The following CDYL variants were observed in gnomAD, a reference collection of about 807,000 sequenced individuals.
The protein encoded by CDYL is chromodomain Y like.
CDYL carries 8 observed loss-of-function variants against 47.3 expected under a neutral mutation model. The observed-to-expected ratio is 0.17, with a 90% CI of 0.10 to 0.31. The LOEUF (loss-of-function observed/expected upper bound fraction) is 0.31. CDYL is among the 10% of genes least tolerant of loss of function. CDYL has a pLI of 1.00. For missense variants in CDYL, 471 were observed against 701.4 expected (o/e 0.67, Z 3.71); for synonymous variants, 266 against 265.0 (o/e 1.00, Z -0.04).
At chr6:4,749,890 A>G (rs1171776117) in intron 3 of CDYL, among the ~76,000 whole-genome samples, 3 of 152,150 alleles carry the variant, frequency 2.0e-5, no homozygotes, top group Non-Finnish European at 4.4e-5. Context: ...CAATAGGAAA[A>G]AACAGGGCTA....
intron 1 of CDYL, among the ~76,000 whole-genome samples, chr6:4,839,737 G>T (rs1442420801): frequency 6.6e-6 from 1 of 152,110 alleles, no homozygotes; most frequent in Admixed American, 6.5e-5. Context: ...GTAAGTATTT[G>T]ACTTTATTTT....
chr6:4,803,262 A>G (rs1365154153), intron 1 of CDYL, among the ~76,000 whole-genome samples: 1 of 151,742 alleles, frequency 6.6e-6, no homozygotes, highest in African/African-American at 2.4e-5. Context: ...GCTCCCATCC[A>G]TCAGACACCC....
At chr6:4,857,559 C>T (rs530335271) in intron 1 of CDYL, among the ~76,000 whole-genome samples, 2 of 152,142 alleles carry the variant, frequency 1.3e-5, no homozygotes, top group Non-Finnish European at 2.9e-5. Context: ...CCTTTGAAGT[C>T]CCTTCAGAAC....
At chr6:4,726,179 C>G (rs1757509355) in intron 2 of CDYL, among the ~76,000 whole-genome samples, 1 of 152,076 alleles carries the variant, frequency 6.6e-6, no homozygotes, top group South Asian at 2.1e-4. Context: ...TTGGCGTACA[C>G]AGGCAGATAA....
At chr6:4,948,604 C>T (rs11753718) in intron 5 of CDYL, among the ~76,000 whole-genome samples, 28,574 of 152,056 alleles carry the variant, frequency 0.19, 2,904 homozygotes, top group Non-Finnish European at 0.21. Context: ...TGGCCGTTAG[C>T]AGAGGCTGGG....
intron 1 of CDYL, among the ~76,000 whole-genome samples, chr6:4,829,292 T>C (rs899872583): frequency 6.6e-6 from 1 of 152,224 alleles, no homozygotes; most frequent in African/African-American, 2.4e-5. Flanking sequence ...TTCCACACTA[T>C]TCTGTAGAGA....
At position 4,787,724 on chromosome 6, in the gene CDYL, A is replaced by G. The variant is rs565056856; in HGVS notation, c.24+10917A>G. Among the ~76,000 whole-genome samples the G allele has an allele frequency of 1.5e-3, 223 of 147,822 alleles. 1 individual carries two copies. Among genetic ancestry groups the G allele is most frequent in the Middle Eastern group, 3.5e-3 (1 of 282 alleles). Reference sequence around the variant, plus strand: ...GCTGGGAGAGAAGGAGACCAAAGACATGCAGGTGGAGGTGCGGACAGGCTG... The same window carrying G: ...GCTGGGAGAGAAGGAGACCAAAGACGTGCAGGTGGAGGTGCGGACAGGCTG... On this transcript the variant is annotated intron_variant, in intron 1 of 6. Coordinates refer to ENST00000397588, the MANE Select transcript of CDYL (RefSeq NM_004824.4).
At chr6:4,822,860 G>T (rs920687117) in intron 1 of CDYL, among the ~76,000 whole-genome samples, 4 of 152,204 alleles carry the variant, frequency 2.6e-5, no homozygotes, top group African/African-American at 9.7e-5. Flanking sequence ...GTCTACTTCT[G>T]TGCTCACAAG....
At chr6:4,766,788 G>C (rs960140559) in intron 3 of CDYL, among the ~76,000 whole-genome samples, 2 of 151,942 alleles carry the variant, frequency 1.3e-5, no homozygotes, top group African/African-American at 2.4e-5. Flanking sequence ...CAGATCATTT[G>C]AGTTCAGGAG....
intron 1 of CDYL, among the ~76,000 whole-genome samples, chr6:4,829,026 C>G (rs1330016935): frequency 6.6e-6 from 1 of 152,040 alleles, no homozygotes; most frequent in Non-Finnish European, 1.5e-5. Context: ...TCATATCTTT[C>G]TTTTGCTTTT....
At chr6:4,785,680 A>G (rs1444152121) in intron 1 of CDYL, among the ~76,000 whole-genome samples, 1 of 152,218 alleles carries the variant, frequency 6.6e-6, no homozygotes, top group Non-Finnish European at 1.5e-5. Flanking sequence ...TTAGTTTGCA[A>G]AAAGATGCAC....
chr6:4,944,992 A>C (rs766976993), intron 5 of CDYL, among the ~76,000 whole-genome samples: 107 of 152,122 alleles, frequency 7.0e-4, no homozygotes, highest in Admixed American at 1.5e-3. Flanking sequence ...ACTGGGGGGC[A>C]GTCTGCAGAC....
In CDYL at chr6:4,795,530, T is replaced by C. The variant is rs192641600; in HGVS notation, c.24+18723T>C. On this transcript the variant is annotated intron_variant, in intron 1 of 6. Transcript: ENST00000397588. The stretch of plus-strand genomic sequence containing the variant: ...GCCTTTTAGGATGGAAGGTGAACTA[T>C]TTATTTTCCATCGAGAATTTGATCT... 9.2e-5 allele frequency among the ~76,000 whole-genome samples: 14 copies of C among 152,294 alleles called. 1 individual carries two copies. The East Asian group carries it at 1.5e-3, about 17-fold the overall frequency.
At chr6:4,772,108 T>C (rs1193715085), upstream of CDYL, among the ~76,000 whole-genome samples, 2 of 152,200 alleles carry the variant, frequency 1.3e-5, no homozygotes, top group Non-Finnish European at 1.5e-5. Flanking sequence ...CTAAATCTAG[T>C]TGAAAAAGCA....
At chr6:4,846,746 A>T (rs1760672483) in intron 1 of CDYL, among the ~76,000 whole-genome samples, 1 of 152,228 alleles carries the variant, frequency 6.6e-6, no homozygotes, top group Non-Finnish European at 1.5e-5. Flanking sequence ...GCTTATTTTA[A>T]TGCAATAGTG....
intron 1 of CDYL, among the ~76,000 whole-genome samples, chr6:4,709,425 T>C (rs1386162115): frequency 6.6e-6 from 1 of 152,234 alleles, no homozygotes; most frequent in East Asian, 1.9e-4. Context: ...CTTGAACTTC[T>C]GACCTTGTGA....
At chr6:4,713,801 C>T (rs963615492) in intron 1 of CDYL, among the ~76,000 whole-genome samples, 9 of 152,010 alleles carry the variant, frequency 5.9e-5, no homozygotes, top group Admixed American at 1.3e-4. Flanking sequence ...TTGGCCAGGC[C>T]GGTCTCAAAC....
intron 1 of CDYL, among the ~76,000 whole-genome samples, chr6:4,789,176 G>A (rs543263079): frequency 4.3e-4 from 66 of 152,242 alleles, no homozygotes; most frequent in African/African-American, 1.5e-3. Flanking sequence ...CCTGGGCTCA[G>A]GTGATCTGCC....
chr6:4,787,807 C>G (rs901389415), intron 1 of CDYL, among the ~76,000 whole-genome samples: 1 of 126,552 alleles, frequency 7.9e-6, no homozygotes, highest in South Asian at 2.6e-4. Context: ...GAGTCTCGCT[C>G]TGTTGCCCAG....
Sources: gnomAD v4.1 joint callset for allele counts (sites outside exome capture counted in the v4.1 genomes callset) on GRCh38, gnomAD v4.1.1 for gene constraint, MANE v1.5 for transcripts, NCBI Gene and HGNC (gene_info 2026-07-23, HGNC 2026-07-21) for gene names.